Variants in THADA observed in about 807,000 individuals in gnomAD.
THADA encodes the protein tRNA (32-2'-O)-methyltransferase regulator THADA.
In THADA, 213 loss-of-function variants were observed where a neutral mutation model predicts 219.8. The observed-to-expected ratio is 0.97, with a 90% confidence interval of 0.87 to 1.09. The LOEUF is 1.09. THADA is among the 50% of genes least tolerant of loss of function. THADA has a pLI of 0.00. For synonymous variants in THADA, 1,018 were observed against 828.9 expected, an observed-to-expected ratio of 1.23 and a Z score of -3.92; for missense variants, 2,956 against 2,311.3, an observed-to-expected ratio of 1.28 and a Z score of -5.72.
chr2:43,342,178 T>C (rs1348963502), intron 30 of THADA, among the ~76,000 whole-genome samples: 2 of 152,292 alleles, frequency 1.3e-5, no homozygotes, highest in African/African-American at 2.4e-5. Context: ...GTAGCGCCAC[T>C]GCACTCTAAC....
rs545966725 is a variant in THADA, at chr2:43,417,729, A to G, written c.4058+10371T>C. Among the ~76,000 whole-genome samples, 5 of 152,366 alleles carry G rather than the reference A, an allele frequency of 3.3e-5. No homozygotes were observed. The South Asian group carries it at 6.2e-4, about 19-fold the overall frequency. ...CAAAAGCAAGTATTACAGTGTTAAG[A>G]GCTAGAATAGCTAAAGCAGTCGCTA... On this transcript the variant is annotated intron_variant, in intron 28 of 37. Transcript: ENST00000405975.
At chr2:43,525,708 C>A (rs371078792) in intron 22 of THADA, among the ~76,000 whole-genome samples, 1 of 152,196 alleles carries the variant, frequency 6.6e-6, no homozygotes, top group Non-Finnish European at 1.5e-5. Context: ...GGAAGAATCA[C>A]CCAGCTGAGC....
chr2:43,528,017 C>A, intron 21 of THADA, 29 bp from the exon 22 acceptor site: 1 of 1,537,692 alleles, frequency 6.5e-7, no homozygotes, highest in Non-Finnish European at 9.0e-7. Flanking sequence ...AACAAATGTC[C>A]GATTTATGTT....
chr2:43,272,658 T>G (rs1672266761), intron 36 of THADA, among the ~76,000 whole-genome samples: 1 of 142,532 alleles, frequency 7.0e-6, no homozygotes, highest in Admixed American at 7.2e-5. Context: ...AAGGTCTCAC[T>G]CTGTCACCTA....
intron 22 of THADA, among the ~76,000 whole-genome samples, chr2:43,512,948 T>C (rs1690683693): frequency 6.6e-6 from 1 of 152,360 alleles, no homozygotes; most frequent in Middle Eastern, 3.4e-3. Flanking sequence ...GAACAAACTA[T>C]GAGAAAGTTA....
chr2:43,384,197 G>C (rs1213964524), intron 29 of THADA, among the ~76,000 whole-genome samples: 2 of 152,168 alleles, frequency 1.3e-5, no homozygotes, highest in African/African-American at 4.8e-5. Context: ...CTAGGACAAG[G>C]GGAGAGTAAC....
rs146719132 is a variant in THADA at position 43,566,003 on chromosome 2, G to A, written c.2311+695C>T. The A allele has an allele frequency of 1.7e-4, 26 of 154,260 alleles. No individual in the cohort carries two copies. In the East Asian group the frequency reaches 2.5e-3, roughly 15 times the overall value. The allele number at this position is 154,260 out of a possible 1,614,324, so 9.6% of individuals were successfully genotyped here. On this transcript the variant is annotated intron_variant, in intron 15 of 37. Transcript: ENST00000405975. ...CTCGGGAGGCTGAGGCAGGAGAATC[G>A]CTTGAACCCAGCAGGCGGAGGTTGC...
intron 26 of THADA, among the ~76,000 whole-genome samples, chr2:43,436,754 G>T (rs1219431293): frequency 6.6e-6 from 1 of 152,196 alleles, no homozygotes; most frequent in East Asian, 1.9e-4. Context: ...TTCAATGGAG[G>T]CACTATCAAC....
chr2:43,539,960 G>C (rs1435246080), intron 21 of THADA, among the ~76,000 whole-genome samples: 1 of 152,122 alleles, frequency 6.6e-6, no homozygotes, highest in Non-Finnish European at 1.5e-5. Flanking sequence ...TACAGTAAAA[G>C]CAAAATACAC....
chr2:43,389,247 C>G (rs1241378243), intron 29 of THADA, among the ~76,000 whole-genome samples: 1 of 152,178 alleles, frequency 6.6e-6, no homozygotes, highest in Non-Finnish European at 1.5e-5. Flanking sequence ...CCTTTCTGAG[C>G]ACATGCTCCC....
intron 36 of THADA, among the ~76,000 whole-genome samples, chr2:43,243,067 G>A (rs1363800869): frequency 6.6e-6 from 1 of 152,192 alleles, no homozygotes; most frequent in Admixed American, 6.5e-5. Context: ...ACCCTCCCCA[G>A]AAAGTTGCGA....
At chr2:43,377,209 T>C (rs1671480286) in intron 29 of THADA, among the ~76,000 whole-genome samples, 1 of 152,196 alleles carries the variant, frequency 6.6e-6, no homozygotes, top group African/African-American at 2.4e-5. Flanking sequence ...TAGAATTGTT[T>C]AGAGTTTAGA....
intron 1 of THADA, among the ~76,000 whole-genome samples, chr2:43,593,989 C>G (rs780846222): frequency 3.9e-5 from 6 of 152,120 alleles, no homozygotes; most frequent in Non-Finnish European, 8.8e-5. Flanking sequence ...TACAGGGAAA[C>G]AGATTCCAGA....
intron 29 of THADA, among the ~76,000 whole-genome samples, chr2:43,347,466 C>T (rs1262875803): frequency 6.6e-6 from 1 of 152,102 alleles, no homozygotes; most frequent in Non-Finnish European, 1.5e-5. Context: ...GAAGGGTATG[C>T]AAGCAGTGAA....
chr2:43,307,220 A>G (rs1676965333), intron 31 of THADA, among the ~76,000 whole-genome samples: 1 of 152,242 alleles, frequency 6.6e-6, no homozygotes, highest in African/African-American at 2.4e-5. Flanking sequence ...GCAACTTCTA[A>G]GCCCCAGTAC....
At chr2:43,528,516 A>G (rs1219767405) in intron 21 of THADA, among the ~76,000 whole-genome samples, 1 of 152,124 alleles carries the variant, frequency 6.6e-6, no homozygotes, top group Non-Finnish European at 1.5e-5. Context: ...CTACTTCACA[A>G]TTGGAAAACT....
At chr2:43,438,105 T>C (rs1573645901) in intron 26 of THADA, among the ~76,000 whole-genome samples, 1 of 151,820 alleles carries the variant, frequency 6.6e-6, no homozygotes, top group East Asian at 1.9e-4. Flanking sequence ...ATCGAGACCA[T>C]GCTGGCTAAC....
chr2:43,452,139 C>T (rs375576193), intron 26 of THADA, among the ~76,000 whole-genome samples: 1 of 152,126 alleles, frequency 6.6e-6, no homozygotes, highest in Admixed American at 6.5e-5. Flanking sequence ...AATTGCCCAA[C>T]AATTCCTCTT....
chr2:43,529,257 G>C (rs1029879004), intron 21 of THADA, among the ~76,000 whole-genome samples: 2 of 152,054 alleles, frequency 1.3e-5, no homozygotes, highest in Non-Finnish European at 2.9e-5. Flanking sequence ...GGCTCAAGGA[G>C]TTTGAGGTTA....
Sources: gnomAD v4.1 joint callset for allele counts (sites outside exome capture counted in the v4.1 genomes callset) on GRCh38, gnomAD v4.1.1 for gene constraint, MANE v1.5 for transcripts, NCBI Gene and HGNC (gene_info 2026-07-23, HGNC 2026-07-21) for gene names.